CARNS1: variants seen among roughly 807,000 people sequenced by gnomAD.
CARNS1 encodes ATP-grasp domain containing 1.
A neutral mutation model predicts 74.0 loss-of-function variants in CARNS1; 61 were observed. That is an observed-to-expected ratio of 0.82 (90% CI 0.67 to 1.02). CARNS1 has a LOEUF of 1.02. CARNS1 is among the 50% of genes least tolerant of loss of function. CARNS1 has a pLI of 0.00. For synonymous variants in CARNS1, 568 were observed against 605.5 expected (o/e 0.94, Z 0.91); for missense variants, 1,278 against 1,308.4 (o/e 0.98, Z 0.36).
Position 67,420,668 on chromosome 11 carries a change from G to A in CARNS1, c.1173G>A (p.Arg391=). Residue 391 remains arginine, a synonymous_variant, in exon 8 of 10, where the codon AGG becomes AGA. Transcript: ENST00000687366. ...RPLRHHNSLP[R]TLEVALAQCG... is the part of the protein sequence containing the mutation. ...TACGGCACCACAACTCCCTGCCGAGGACGCTGGAGGTGGCGCTGGCCCAGT... is the reference window on the plus strand; with the variant it reads ...TACGGCACCACAACTCCCTGCCGAGAACGCTGGAGGTGGCGCTGGCCCAGT... 7.9e-7 allele frequency: 1 copy of A among 1,259,744 alleles called. No individual in the cohort carries two copies. Among genetic ancestry groups the A allele is most frequent in the Non-Finnish European group, 1.0e-6 (1 of 1,004,262 alleles). 78.0% of individuals were successfully genotyped at this position (1,259,744 alleles called of 1,614,324 possible).
Position 67,421,026 on chromosome 11 carries a change from G to C in CARNS1, c.1433G>C (p.Gly478Ala), listed in dbSNP as rs1863682638. ...GGCGGCCTGTGTCTGGAGGCGTGCG[G>C]CGCGCTGGAGGGGCTGTGGGCCGCG... ...LNGGLCLEAC[G>A]ALEGLWAAPR... is the part of the protein sequence containing the mutation. The change falls in exon 9 of 10, where the codon GGC becomes GCC. Residue 478 changes from glycine (G) to alanine (A), a missense_variant. Physicochemically the swap from Gly to Ala is moderately conservative, Grantham distance 60 (BLOSUM62 0). Around this residue, in one of 3 missense-constraint regions of CARNS1, gnomAD observed 1,164 missense variants for 1,156.5 expected, o/e 1.01. Transcript: ENST00000687366. 1.5e-6 allele frequency: 2 copies of C among 1,367,824 alleles called. No homozygotes were observed. Among genetic ancestry groups the C allele is most frequent in the Admixed American group, 3.7e-5 (1 of 26,730 alleles). 84.7% of individuals were successfully genotyped at this position (1,367,824 alleles called of 1,614,324 possible).
rs890904379 is a variant in CARNS1, at chr11:67,420,896, C to T, written c.1346-43C>T. On this transcript the variant is annotated intron_variant, in intron 8 of 9. Transcript: ENST00000687366. The stretch of plus-strand genomic sequence containing the variant: ...GAGCCGAGGGCCAGGGGCTGGAGGG[C>T]GGTGGCTGCCGTAGCTGAGCTCGCG... 28 of 1,331,962 alleles carry T rather than the reference C, an allele frequency of 2.1e-5. No homozygotes were observed. In the East Asian group the frequency reaches 8.5e-4, roughly 40 times the overall value. 82.5% of individuals were successfully genotyped at this position (1,331,962 alleles called of 1,614,324 possible). A position where few individuals can be genotyped will look rare whatever the true frequency, so the allele number is the denominator to read the frequency against.
chr11:67,423,504 C>T lies in CARNS1; in HGVS notation c.1756C>T (p.Arg586Cys), dbSNP rs751106258. 8.7e-6 allele frequency: 14 copies of T among 1,613,846 alleles called. No homozygotes were observed. The highest frequency in any genetic ancestry group is 3.3e-5 in the Admixed American group (2 of 60,002). The change falls in exon 10 of 10, where the codon CGC becomes TGC. Residue 586 changes from arginine to cysteine, a missense_variant. Around this residue, in one of 3 missense-constraint regions of CARNS1, gnomAD observed 1,164 missense variants for 1,156.5 expected, o/e 1.01. Transcript: ENST00000687366. The surrounding 1 kb of genome is among the most constrained non-coding windows in gnomAD (Gnocchi z 5.1). ...GCTGCTGGCAGAGTTGGTGCGGGCTCGCGGCCTCAAGCTAGATGGCTGCTT... is the reference window on the plus strand; with the variant it reads ...GCTGCTGGCAGAGTTGGTGCGGGCTTGCGGCCTCAAGCTAGATGGCTGCTT... Reference protein sequence around the residue: ...ARLLAELVRARGLKLDGCFSY... With the variant: ...ARLLAELVRACGLKLDGCFSY...
intron 3 of CARNS1, 98 bp downstream of exon 3, chr11:67,417,775 C>T (rs2135080558): frequency 1.1e-6 from 1 of 901,558 alleles, no homozygotes; most frequent in South Asian, 5.4e-5. Flanking sequence ...GCCCCTTCCC[C>T]TAGGCTCTGG....
At chr11:67,419,385 C>A (rs1014856942) in intron 5 of CARNS1, 102 bp from the exon 6 acceptor site, 5 of 1,510,332 alleles carry the variant, frequency 3.3e-6, no homozygotes, top group African/African-American at 1.4e-5. Flanking sequence ...CAATCCCCTG[C>A]CCTTTTGCCT....
Position 67,424,768 on chromosome 11 carries a change from G to A in CARNS1, c.*167G>A, listed in dbSNP as rs1863793204. ...AGCAGCAGGGCAATTTAGACACCAAGGCATCCTGGACTCAAGGGCCTCTTG... is the reference window on the plus strand; with the variant it reads ...AGCAGCAGGGCAATTTAGACACCAAAGCATCCTGGACTCAAGGGCCTCTTG... On this transcript the variant is annotated 3_prime_UTR_variant, in exon 10 of 10. Coordinates refer to ENST00000687366, the MANE Select transcript of CARNS1 (RefSeq NM_001166222.2). The A allele has an allele frequency of 1.3e-6, 1 of 781,340 alleles. No homozygotes were observed. The highest frequency in any genetic ancestry group is 1.8e-5 in the South Asian group (1 of 55,216). 48.4% of individuals were successfully genotyped at this position (781,340 alleles called of 1,614,324 possible). A position where few individuals can be genotyped will look rare whatever the true frequency, so the allele number is the denominator to read the frequency against.
intron 2 of CARNS1, 101 bp downstream of exon 2, chr11:67,416,303 GC>G: frequency 6.5e-7 from 1 of 1,529,666 alleles, no homozygotes; most frequent in Admixed American, 2.0e-5. Context: ...CCTGGGAGTT[GC>G]CCCCTGCAGA....
chr11:67,419,355 G>A lies in CARNS1; in HGVS notation c.852+112G>A, dbSNP rs570411360. The A allele has an allele frequency of 3.4e-6, 5 of 1,481,266 alleles. No individual in the cohort carries two copies. In the South Asian group the frequency reaches 5.4e-5, roughly 16 times the overall value. 91.8% of individuals were successfully genotyped at this position (1,481,266 alleles called of 1,614,324 possible). On this transcript the variant is annotated intron_variant, in intron 5 of 9. Coordinates refer to ENST00000687366, the MANE Select transcript of CARNS1 (RefSeq NM_001166222.2). ...GTCCCTACCTCTTAGCCCTGCCGCT[G>A]CCCTGCCCCATCTCTGGGGCAATCC...
intron 7 of CARNS1, among the ~76,000 whole-genome samples, 193 bp downstream of exon 7, chr11:67,420,031 C>T (rs1290626752): frequency 1.3e-5 from 2 of 152,198 alleles, no homozygotes; most frequent in African/African-American, 4.8e-5. Context: ...AGAATCCCTC[C>T]CACACCAAGA....
In CARNS1 at chr11:67,424,599, T is replaced by C; in HGVS notation, c.2851T>C (p.Ter951GlnextTer53). 1 of 1,604,018 alleles carries C rather than the reference T, an allele frequency of 6.2e-7. No homozygotes were observed. The highest frequency in any genetic ancestry group is 1.3e-5 in the African/African-American group (1 of 74,852). ...PVAHFLSHFK[*>Q] ...TGCCCACTTCCTGTCTCACTTCAAATAGCACTGGGGTCAGGGGGCAGGGAA... is the reference window on the plus strand; with the variant it reads ...TGCCCACTTCCTGTCTCACTTCAAACAGCACTGGGGTCAGGGGGCAGGGAA... Residue 951 changes from the stop codon to glutamine, a stop_lost, in exon 10 of 10, where the codon TAG (stop) becomes CAG (glutamine). Coordinates refer to ENST00000687366, the MANE Select transcript of CARNS1 (RefSeq NM_001166222.2).
rs1863754868 is a variant in CARNS1 at position 67,423,502 on chromosome 11, C to A, written c.1754C>A (p.Ala585Asp). The change falls in exon 10 of 10, where the codon GCT becomes GAT. Residue 585 changes from alanine to aspartate, a missense_variant. Ala to Asp is a moderately radical substitution (Grantham distance 126). Around this residue, in one of 3 missense-constraint regions of CARNS1, gnomAD observed 1,164 missense variants for 1,156.5 expected, o/e 1.01. Coordinates refer to ENST00000687366, the MANE Select transcript of CARNS1 (RefSeq NM_001166222.2). The surrounding 1 kb of genome is among the most constrained non-coding windows in gnomAD (Gnocchi z 5.1). Reference sequence around the variant, plus strand: ...CGGCTGCTGGCAGAGTTGGTGCGGGCTCGCGGCCTCAAGCTAGATGGCTGC... The same window carrying A: ...CGGCTGCTGGCAGAGTTGGTGCGGGATCGCGGCCTCAAGCTAGATGGCTGC... ...NARLLAELVR[A>D]RGLKLDGCFS... 2 of 1,613,852 alleles carry A rather than the reference C, an allele frequency of 1.2e-6. No individual in the cohort carries two copies. The highest frequency in any genetic ancestry group is 1.7e-5 in the Admixed American group (1 of 60,000).
rs530302411 is a variant in CARNS1, at chr11:67,419,028, C to T, written c.637C>T (p.Arg213Trp). The change falls in exon 5 of 10, where the codon CGG becomes TGG. Residue 213 changes from arginine (R) to tryptophan (W), a missense_variant. Transcript: ENST00000687366. ...TGAGCTGGCCCGGCTGCTGGAGGAC[C>T]GGCTGCTGACAAGGCAGTTGCTGGC... ...SAELARLLEDRLLTRQLLAQQ... is the reference protein window; with the variant it reads ...SAELARLLEDWLLTRQLLAQQ... 5.1e-6 allele frequency: 8 copies of T among 1,557,390 alleles called. No individual in the cohort carries two copies. The highest frequency in any genetic ancestry group is 3.5e-5 in the South Asian group (3 of 84,580).
In CARNS1 at chr11:67,420,048, G is replaced by A. The variant is rs188621566; in HGVS notation, c.1113+210G>A. On this transcript the variant is annotated intron_variant, in intron 7 of 9. Coordinates refer to ENST00000687366, the MANE Select transcript of CARNS1 (RefSeq NM_001166222.2). The stretch of plus-strand genomic sequence containing the variant: ...AATCCCTCCCACACCAAGAGCCCCT[G>A]CCCCTGTGCTCAGCCCCACGCTGGG... Among the ~76,000 whole-genome samples the A allele has an allele frequency of 5.9e-3, 906 of 152,294 alleles. 7 individuals are homozygous for A. The highest frequency in any genetic ancestry group is 8.8e-3 in the Non-Finnish European group (598 of 68,008).
chr11:67,419,550 G>A lies in CARNS1; in HGVS notation c.916G>A (p.Ala306Thr). The change falls in exon 6 of 10, where the codon GCA becomes ACA. Residue 306 changes from alanine to threonine, a missense_variant. Transcript: ENST00000687366. Reference protein sequence around the residue: ...GRQAWRLHPRAELGAVVDTVL... With the variant: ...GRQAWRLHPRTELGAVVDTVL... ...GCAGGCATGGCGTCTGCACCCGCGG[G>A]CAGAGCTGGGTGCAGTGGTGGACAC... The A allele has an allele frequency of 1.2e-6, 2 of 1,607,460 alleles. No homozygotes were observed. The highest frequency in any genetic ancestry group is 1.7e-6 in the Non-Finnish European group (2 of 1,178,550).
In CARNS1 at chr11:67,421,019, G is replaced by C; in HGVS notation, c.1426G>C (p.Ala476Pro). ...LELNGGLCLE[A>P]CGALEGLWAA... ...GCTGAACGGCGGCCTGTGTCTGGAG[G>C]CGTGCGGCGCGCTGGAGGGGCTGTG... is the stretch of plus-strand genomic sequence containing the variant. The change falls in exon 9 of 10, where the codon GCG becomes CCG. Residue 476 changes from alanine to proline, a missense_variant. This residue lies in a region of CARNS1 where 1,164 missense variants were observed against 1,156.5 expected (regional missense o/e 1.01). Transcript: ENST00000687366. 1 of 1,377,782 alleles carries C rather than the reference G, an allele frequency of 7.3e-7. No homozygotes were observed. Among genetic ancestry groups the C allele is most frequent in the Non-Finnish European group, 9.3e-7 (1 of 1,072,400 alleles). The allele number at this position is 1,377,782 out of a possible 1,614,324, so 85.3% of individuals were successfully genotyped here. A position where few individuals can be genotyped will look rare whatever the true frequency, so the allele number is the denominator to read the frequency against.
intron 2 of CARNS1, 99 bp downstream of exon 2, chr11:67,416,301 T>C: frequency 6.5e-7 from 1 of 1,530,568 alleles, no homozygotes. Flanking sequence ...AGCCTGGGAG[T>C]TGCCCCCTGC....
Position 67,424,298 on chromosome 11 carries a change from C to T in CARNS1, c.2550C>T (p.Pro850=), listed in dbSNP as rs1161799591. 1.2e-5 allele frequency: 20 copies of T among 1,612,196 alleles called. No homozygotes were observed. Among genetic ancestry groups the T allele is most frequent in the Non-Finnish European group, 1.6e-5 (19 of 1,179,558 alleles). The change falls in exon 10 of 10, where the codon CCC becomes CCT. Residue 850 remains proline, a synonymous_variant. Coordinates refer to ENST00000687366, the MANE Select transcript of CARNS1 (RefSeq NM_001166222.2). ...MVACGLRPAL[P]TRPRARGHLV... is the part of the protein sequence containing the mutation. ...CCTGTGGCTTGCGTCCTGCCCTGCCCACCCGCCCACGTGCTCGTGGCCATC... is the reference window on the plus strand; with the variant it reads ...CCTGTGGCTTGCGTCCTGCCCTGCCTACCCGCCCACGTGCTCGTGGCCATC...
At chr11:67,419,955 G>A in intron 7 of CARNS1, 117 bp downstream of exon 7, 1 of 1,024,944 alleles carries the variant, frequency 9.8e-7, no homozygotes. Context: ...AAATCCTTAG[G>A]GGGGTCGTAG....
intron 9 of CARNS1, among the ~76,000 whole-genome samples, chr11:67,422,207 G>A (rs1463605554): frequency 2.8e-5 from 3 of 105,436 alleles, no homozygotes; most frequent in South Asian, 2.9e-4. Context: ...TTTTTAATAC[G>A]GAGTCTCTCT....
Sources: allele counts gnomAD v4.1 joint callset (sites outside exome capture counted in the v4.1 genomes callset), GRCh38; gene constraint gnomAD v4.1.1; regional missense constraint gnomAD v4.1.1; non-coding constraint Gnocchi (gnomAD v3.1); transcripts MANE v1.5; gene names NCBI Gene and HGNC (gene_info 2026-07-23, HGNC 2026-07-21).